PRKG1: variants seen among roughly 807,000 people sequenced by gnomAD.
The protein encoded by PRKG1 is protein kinase cGMP-dependent 1.
In PRKG1, 35 loss-of-function variants were observed where a neutral mutation model predicts 88.1. The ratio of observed to expected loss-of-function variants is 0.40; its 90% CI spans 0.30 to 0.53. PRKG1 has a LOEUF of 0.53. Among genes scored for constraint, PRKG1 ranks in the 20% least tolerant of loss-of-function variants. The probability of loss-of-function intolerance (pLI) is 0.59; values close to 1 mark genes in which losing one functional copy is unlikely to be tolerated. For missense variants in PRKG1, 540 were observed against 839.8 expected, an observed-to-expected ratio of 0.64 and a Z score of 4.41; for synonymous variants, 303 against 292.5, an observed-to-expected ratio of 1.04 and a Z score of -0.37.
chr10:51,177,807 T>C (rs1311204560), intron 2 of PRKG1, among the ~76,000 whole-genome samples: 2 of 151,996 alleles, frequency 1.3e-5, no homozygotes, highest in South Asian at 4.1e-4. Context: ...TTAATGTGAA[T>C]AGTATCAATA....
intron 2 of PRKG1, among the ~76,000 whole-genome samples, chr10:51,452,407 G>A (rs10823030): frequency 0.1 from 15,828 of 151,914 alleles, 1,092 homozygotes; most frequent in East Asian, 0.18. Context: ...TCCCCATTCA[G>A]TGTGGTGTTG....
At chr10:52,162,393 AT>A (rs1437101336) in intron 9 of PRKG1, among the ~76,000 whole-genome samples, 3 of 152,130 alleles carry the variant, frequency 2.0e-5, no homozygotes, top group African/African-American at 4.8e-5. Context: ...TATGAGAATG[AT>A]ATGAGATGGT....
chr10:51,528,892 A>G (rs892352437), intron 3 of PRKG1, among the ~76,000 whole-genome samples: 4 of 152,148 alleles, frequency 2.6e-5, no homozygotes, highest in Non-Finnish European at 4.4e-5. Flanking sequence ...GTAAATGGAA[A>G]TAAGGGAATT....
chr10:51,397,456 G>C (rs760217504), intron 2 of PRKG1, among the ~76,000 whole-genome samples: 1 of 152,028 alleles, frequency 6.6e-6, no homozygotes, highest in Non-Finnish European at 1.5e-5. Context: ...GCTGCGTCTC[G>C]AGGGCACTTC....
intron 3 of PRKG1, among the ~76,000 whole-genome samples, chr10:51,546,580 G>A (rs1842449564): frequency 6.6e-6 from 1 of 152,124 alleles, no homozygotes; most frequent in East Asian, 1.9e-4. Context: ...TATAGTCTTT[G>A]ATAATTTGAA....
chr10:51,375,949 T>C (rs1343232821), intron 2 of PRKG1, among the ~76,000 whole-genome samples: 1 of 152,226 alleles, frequency 6.6e-6, no homozygotes, highest in Non-Finnish European at 1.5e-5. Flanking sequence ...ATATTCATGG[T>C]AGTTATTCAC....
chr10:51,920,714 T>C (rs909428315), intron 5 of PRKG1, among the ~76,000 whole-genome samples: 9 of 152,160 alleles, frequency 5.9e-5, no homozygotes, highest in Admixed American at 1.3e-4. Flanking sequence ...CTAAGCTCCA[T>C]TTGTTTTCTT....
At chr10:51,740,467 C>T (rs1327147163) in intron 3 of PRKG1, among the ~76,000 whole-genome samples, 1 of 152,096 alleles carries the variant, frequency 6.6e-6, no homozygotes. Flanking sequence ...TATTTTTTCT[C>T]AAACAAATTT....
At chr10:51,040,232 T>TTTG (rs1554831488) in intron 1 of PRKG1, among the ~76,000 whole-genome samples, 6 of 117,788 alleles carry the variant, frequency 5.1e-5, no homozygotes, top group African/African-American at 1.6e-4. Context: ...TCCATTCCAT[T>TTTG]TGTGTGTGTG....
At chr10:51,546,164 A>T (rs1425244387) in intron 3 of PRKG1, among the ~76,000 whole-genome samples, 1 of 152,018 alleles carries the variant, frequency 6.6e-6, no homozygotes, top group Non-Finnish European at 1.5e-5. Flanking sequence ...ATGCTTATGC[A>T]ATTTCTGCAA....
At chr10:52,180,247 G>A (rs1317404109) in intron 9 of PRKG1, among the ~76,000 whole-genome samples, 2 of 152,032 alleles carry the variant, frequency 1.3e-5, no homozygotes, top group East Asian at 3.9e-4. Flanking sequence ...AAATTCTTGA[G>A]CTCTAAAATC....
At chr10:51,951,565 T>C (rs540347348) in intron 5 of PRKG1, among the ~76,000 whole-genome samples, 1 of 152,356 alleles carries the variant, frequency 6.6e-6, no homozygotes, top group Admixed American at 6.5e-5. Flanking sequence ...CTTATGAGTT[T>C]ATTTTTCCAA....
chr10:51,390,068 C>T (rs923112263), intron 2 of PRKG1, among the ~76,000 whole-genome samples: 10 of 152,126 alleles, frequency 6.6e-5, no homozygotes, highest in African/African-American at 1.2e-4. Flanking sequence ...TGTTTGTGGT[C>T]GAGGCATTCA....
intron 5 of PRKG1, among the ~76,000 whole-genome samples, chr10:51,999,344 A>T (rs1844535518): frequency 6.6e-6 from 1 of 152,192 alleles, no homozygotes; most frequent in South Asian, 2.1e-4. Context: ...ACTCACTATT[A>T]GAGAACAGAC....
chr10:52,253,117 C>T lies in PRKG1; in HGVS notation c.1173+1451C>T, dbSNP rs556119086. 3.9e-5 allele frequency among the ~76,000 whole-genome samples: 6 copies of T among 151,930 alleles called. No individual in the cohort carries two copies. In the South Asian group the frequency reaches 1.2e-3, roughly 32 times the overall value. ...AGTTGCGTATTTCTAAAACAGTCTC[C>T]AAATGAAGCAGTATAAGGGACAGAA... On this transcript the variant is annotated intron_variant, in intron 10 of 17. Transcript: ENST00000373980.
rs555769421 is a variant in PRKG1 at position 51,206,733 on chromosome 10, C to A, written c.478+53403C>A. On this transcript the variant is annotated intron_variant, in intron 2 of 17. Transcript: ENST00000373980. The stretch of plus-strand genomic sequence containing the variant: ...CTTGTGTGACTTTTTCAACTCAGAT[C>A]ATTGTTGCTTAAATTGAGAGCAGCT... 1.4e-4 allele frequency among the ~76,000 whole-genome samples: 22 copies of A among 152,282 alleles called. No homozygotes were observed. The South Asian group carries it at 4.3e-3, about 30-fold the overall frequency.
At chr10:51,422,517 A>C (rs1838446476) in intron 2 of PRKG1, among the ~76,000 whole-genome samples, 1 of 152,164 alleles carries the variant, frequency 6.6e-6, no homozygotes, top group South Asian at 2.1e-4. Context: ...TCCTCCACAC[A>C]GGGCAGAGTG....
chr10:52,076,559 G>T (rs1429329766), intron 7 of PRKG1, among the ~76,000 whole-genome samples: 2 of 152,292 alleles, frequency 1.3e-5, no homozygotes, highest in East Asian at 3.9e-4. Flanking sequence ...TCTGTCAGAA[G>T]AAGAAGGAGA....
At chr10:51,815,064 C>G (rs770202796) in intron 4 of PRKG1, among the ~76,000 whole-genome samples, 1 of 152,166 alleles carries the variant, frequency 6.6e-6, no homozygotes, top group Non-Finnish European at 1.5e-5. Context: ...CTCCCTGAGC[C>G]TGGGTTACCA....
Sources: gnomAD v4.1 joint callset for allele counts (sites outside exome capture counted in the v4.1 genomes callset) on GRCh38, gnomAD v4.1.1 for gene constraint, MANE v1.5 for transcripts, NCBI Gene and HGNC (gene_info 2026-07-23, HGNC 2026-07-21) for gene names.